Variants in CACNB2 observed in about 807,000 individuals in gnomAD.
CACNB2 encodes voltage-dependent L-type calcium channel subunit beta-2.
In CACNB2, 42 loss-of-function variants were observed where a neutral mutation model predicts 73.3. The observed-to-expected ratio is 0.57, with a 90% confidence interval of 0.45 to 0.74. The LOEUF is 0.74. Among genes scored for constraint, CACNB2 ranks in the 30% least tolerant of loss-of-function variants. The pLI, the probability that CACNB2 is intolerant of heterozygous loss-of-function variation, is 0.00. For missense variants in CACNB2, 940 were observed against 853.0 expected (o/e 1.10, Z -1.27); for synonymous variants, 348 against 310.3 (o/e 1.12, Z -1.28).
chr10:18,460,260 A>C (rs2132668686), intron 3 of CACNB2, among the ~76,000 whole-genome samples: 1 of 152,198 alleles, frequency 6.6e-6, no homozygotes, highest in Non-Finnish European at 1.5e-5. Context: ...TGTTGGAAAG[A>C]ACCAGGGATT....
At chr10:18,245,033 G>A (rs1214935152) in intron 2 of CACNB2, among the ~76,000 whole-genome samples, 1 of 152,018 alleles carries the variant, frequency 6.6e-6, no homozygotes, top group African/African-American at 2.4e-5. Context: ...AGATGGAAAA[G>A]GCAAGAAAAC....
In CACNB2 at chr10:18,442,238, C is replaced by T. The variant is rs1401985967; in HGVS notation, c.333+40195C>T. 2.0e-5 allele frequency among the ~76,000 whole-genome samples: 3 copies of T among 152,166 alleles called. No individual in the cohort carries two copies. The East Asian group carries it at 5.9e-4, about 30-fold the overall frequency. ...GATCTCTACTCACTGCAACCTCCGC[C>T]TCCTGGGTACCAGTGATCCTTGTGA... is the stretch of plus-strand genomic sequence containing the variant. On this transcript the variant is annotated intron_variant, in intron 3 of 13. Transcript: ENST00000324631.
intron 2 of CACNB2, among the ~76,000 whole-genome samples, chr10:18,378,756 A>C (rs1429887177): frequency 1.3e-5 from 2 of 152,180 alleles, no homozygotes; most frequent in Admixed American, 1.3e-4. Context: ...AATAGAAAAT[A>C]GACTCCACGG....
chr10:18,268,275 A>G (rs2037899969), intron 2 of CACNB2, among the ~76,000 whole-genome samples: 1 of 152,246 alleles, frequency 6.6e-6, no homozygotes, highest in Non-Finnish European at 1.5e-5. Flanking sequence ...TTAGAAATGT[A>G]CAGAGGAATT....
intron 10 of CACNB2, among the ~76,000 whole-genome samples, chr10:18,530,613 T>A (rs1203629107): frequency 6.6e-6 from 1 of 151,834 alleles, no homozygotes; most frequent in East Asian, 1.9e-4. Context: ...TATTGAATAC[T>A]AAAAGTGAAA....
Position 18,312,975 on chromosome 10 carries a change from G to T in CACNB2, c.214-88949G>T, listed in dbSNP as rs1333401376. 2.0e-5 allele frequency among the ~76,000 whole-genome samples: 3 copies of T among 152,124 alleles called. No individual in the cohort carries two copies. The South Asian group carries it at 6.2e-4, about 32-fold the overall frequency. Reference sequence around the variant, plus strand: ...CAATGCAATAAATGATTGTTTTTCTGTGCTAATAATAGCACTGACATCATA... The same window carrying T: ...CAATGCAATAAATGATTGTTTTTCTTTGCTAATAATAGCACTGACATCATA... On this transcript the variant is annotated intron_variant, in intron 2 of 13. Transcript: ENST00000324631.
intron 2 of CACNB2, among the ~76,000 whole-genome samples, chr10:18,345,633 C>T (rs2041417868): frequency 6.6e-6 from 1 of 152,170 alleles, no homozygotes; most frequent in Admixed American, 6.5e-5. Flanking sequence ...ACAGAATTAA[C>T]TGTGGAATAG....
intron 6 of CACNB2, among the ~76,000 whole-genome samples, chr10:18,510,141 G>C (rs969625461): frequency 3.3e-5 from 5 of 152,144 alleles, no homozygotes; most frequent in African/African-American, 9.7e-5. Context: ...TTTTAGACCT[G>C]AGTTAACCAA....
intron 2 of CACNB2, among the ~76,000 whole-genome samples, chr10:18,229,232 T>A (rs948000398): frequency 2.0e-5 from 3 of 152,216 alleles, no homozygotes; most frequent in Non-Finnish European, 4.4e-5. Context: ...GAGATCAGCA[T>A]GTTGGCAATC....
chr10:18,478,055 G>A (rs187440703), intron 3 of CACNB2, among the ~76,000 whole-genome samples: 7 of 152,060 alleles, frequency 4.6e-5, no homozygotes, highest in Non-Finnish European at 8.8e-5. Flanking sequence ...CCTCAGCCTC[G>A]CGGGTAGCTG....
intron 2 of CACNB2, among the ~76,000 whole-genome samples, chr10:18,288,755 C>A (rs534839202): frequency 6.6e-6 from 1 of 150,630 alleles, no homozygotes; most frequent in Non-Finnish European, 1.5e-5. Flanking sequence ...TTAAAAAATC[C>A]TTTTCTCTGC....
At position 18,466,588 on chromosome 10, in the gene CACNB2, G is replaced by A. The variant is rs147844424; in HGVS notation, c.334-31767G>A. On this transcript the variant is annotated intron_variant, in intron 3 of 13. Coordinates refer to ENST00000324631, the MANE Select transcript of CACNB2 (RefSeq NM_201596.3). ...GTCCTACATAGAAGGTTCTCTCCTG[G>A]TGTTTTGGCAGATGTAAGAAAATTG... 2.9e-3 allele frequency among the ~76,000 whole-genome samples: 440 copies of A among 152,190 alleles called. 1 individual carries two copies. Among genetic ancestry groups the A allele is most frequent in the Non-Finnish European group, 4.8e-3 (327 of 68,016 alleles).
At chr10:18,369,755 A>C (rs1447462965) in intron 2 of CACNB2, among the ~76,000 whole-genome samples, 1 of 152,066 alleles carries the variant, frequency 6.6e-6, no homozygotes, top group East Asian at 1.9e-4. Context: ...AAAAATACAA[A>C]AATTAGCCAG....
At chr10:18,307,044 G>C (rs1417198902) in intron 2 of CACNB2, among the ~76,000 whole-genome samples, 1 of 151,986 alleles carries the variant, frequency 6.6e-6, no homozygotes. Flanking sequence ...AGGTCCAAGG[G>C]TAAAGGCAGG....
At chr10:18,519,666 A>G in intron 9 of CACNB2, 2 of 454,422 alleles carry the variant, frequency 4.4e-6, no homozygotes, top group South Asian at 3.1e-5. Context: ...TTCCTATCAC[A>G]TTGACCTCAT....
chr10:18,464,418 T>TAAAAAAAAAAAAAAAAAAAAAA (rs762982462), intron 3 of CACNB2, among the ~76,000 whole-genome samples: 21 of 85,292 alleles, frequency 2.5e-4, no homozygotes, highest in East Asian at 1.6e-3. Context: ...TCTCAAAAAT[T>TAAAAAAAAAAAAAAAAAAAAAA]AAAAAAAAAA....
At chr10:18,248,671 A>G (rs1364927783) in intron 2 of CACNB2, among the ~76,000 whole-genome samples, 1 of 152,120 alleles carries the variant, frequency 6.6e-6, no homozygotes, top group Non-Finnish European at 1.5e-5. Flanking sequence ...ATCCAATATC[A>G]CTCTCTGAGA....
intron 2 of CACNB2, among the ~76,000 whole-genome samples, chr10:18,271,792 C>T (rs1289261128): frequency 6.6e-6 from 1 of 152,180 alleles, no homozygotes; most frequent in African/African-American, 2.4e-5. Context: ...ATTGAGATAA[C>T]AGCCAATTCT....
At chr10:18,431,536 G>A (rs1040614538) in intron 3 of CACNB2, among the ~76,000 whole-genome samples, 2 of 152,090 alleles carry the variant, frequency 1.3e-5, no homozygotes, top group Non-Finnish European at 2.9e-5. Context: ...ATAAACACAG[G>A]CTTTACCTCT....
Sources: allele counts gnomAD v4.1 joint callset (sites outside exome capture counted in the v4.1 genomes callset), GRCh38; gene constraint gnomAD v4.1.1; transcripts MANE v1.5; gene names NCBI Gene and HGNC (gene_info 2026-07-23, HGNC 2026-07-21).